The following WWOX variants were observed in gnomAD, a reference collection of about 807,000 sequenced individuals.
WWOX encodes the protein WW domain-containing oxidoreductase.
Under a neutral mutation model 46.2 loss-of-function variants are expected in WWOX, and 69 were observed. The ratio of observed to expected loss-of-function variants is 1.49; its 90% confidence interval spans 1.23 to 1.82. WWOX has a LOEUF of 1.82. Ranked by LOEUF, WWOX falls within the 40% of genes most tolerant of loss-of-function variation. WWOX has a pLI of 0.00. For synonymous variants in WWOX, 359 were observed against 202.6 expected, an observed-to-expected ratio of 1.77 and a Z score of -6.56; for missense variants, 919 against 542.6, an observed-to-expected ratio of 1.69 and a Z score of -6.89.
At chr16:78,324,807 GGGTAGA>G (rs1467125755) in intron 5 of WWOX, among the ~76,000 whole-genome samples, 1 of 151,976 alleles carries the variant, frequency 6.6e-6, no homozygotes, top group Non-Finnish European at 1.5e-5. Context: ...GGGATAGGAG[GGGTAGA>G]GGTGAAGGTG....
intron 8 of WWOX, among the ~76,000 whole-genome samples, chr16:78,684,137 C>G (rs1185951635): frequency 6.6e-6 from 1 of 152,280 alleles, no homozygotes; most frequent in East Asian, 1.9e-4. Flanking sequence ...TCAGCTGTCC[C>G]TGCTGCAACA....
chr16:78,655,275 T>C (rs2047055169), intron 8 of WWOX, among the ~76,000 whole-genome samples: 1 of 152,166 alleles, frequency 6.6e-6, no homozygotes, highest in African/African-American at 2.4e-5. Flanking sequence ...GGCACTAATT[T>C]GATTTGATCA....
At chr16:78,469,424 C>G (rs1454237322) in intron 8 of WWOX, among the ~76,000 whole-genome samples, 9 of 152,066 alleles carry the variant, frequency 5.9e-5, no homozygotes, top group Admixed American at 5.9e-4. Context: ...GAAGGCAAAC[C>G]AAAAGTGAGC....
rs2035988677 is a variant in WWOX, at chr16:78,194,581, C to T, written c.516+30292C>T. ...CCAGGCTGGGCGACAGAGTGAGACTCCATCTCAAAAAAAAAAAAAAAAAAG... is the reference window on the plus strand; with the variant it reads ...CCAGGCTGGGCGACAGAGTGAGACTTCATCTCAAAAAAAAAAAAAAAAAAG... On this transcript the variant is annotated intron_variant, in intron 5 of 8. Transcript: ENST00000566780. 3.3e-5 allele frequency among the ~76,000 whole-genome samples: 4 copies of T among 122,074 alleles called. No homozygotes were observed. In the Admixed American group the frequency reaches 3.4e-4, roughly 10 times the overall value. 80.1% of individuals were successfully genotyped at this position (122,074 alleles called of 152,430 possible).
intron 8 of WWOX, among the ~76,000 whole-genome samples, chr16:78,795,199 C>G (rs534816151): frequency 6.6e-6 from 1 of 152,162 alleles, no homozygotes; most frequent in Non-Finnish European, 1.5e-5. Context: ...GTGCTAAGTG[C>G]TTTGCGGGCA....
In WWOX at chr16:78,744,009, C is replaced by T. The variant is rs115914086; in HGVS notation, c.1056+311257C>T. 5.9e-3 allele frequency among the ~76,000 whole-genome samples: 899 copies of T among 152,208 alleles called. 4 individuals carry two copies. Among genetic ancestry groups the T allele is most frequent in the Non-Finnish European group, 8.5e-3 (579 of 68,024 alleles). On this transcript the variant is annotated intron_variant, in intron 8 of 8. Coordinates refer to ENST00000566780, the MANE Select transcript of WWOX (RefSeq NM_016373.4). ...TCATTCTTTCCTTGCTTTGTTTATG[C>T]GTTTTGTCCAATTCTTTATTCAAAA...
chr16:78,475,048 A>G (rs991247599), intron 8 of WWOX, among the ~76,000 whole-genome samples: 2 of 152,188 alleles, frequency 1.3e-5, no homozygotes, highest in East Asian at 1.9e-4. Context: ...ATAGCCAGGC[A>G]TTCTAAATGT....
At chr16:78,990,175 C>A (rs1392095965) in intron 8 of WWOX, among the ~76,000 whole-genome samples, 10 of 140,778 alleles carry the variant, frequency 7.1e-5, no homozygotes, top group African/African-American at 2.6e-4. Flanking sequence ...CAGAGGGAGA[C>A]CTTGTCTCAC....
intron 7 of WWOX, among the ~76,000 whole-genome samples, chr16:78,428,752 A>C (rs995608239): frequency 6.6e-6 from 1 of 152,220 alleles, no homozygotes; most frequent in Admixed American, 6.5e-5. Context: ...GTATACCTGT[A>C]ATACCAGCTA....
chr16:78,922,459 A>G (rs544112577), intron 8 of WWOX, among the ~76,000 whole-genome samples: 7 of 150,874 alleles, frequency 4.6e-5, no homozygotes, highest in Non-Finnish European at 2.9e-5. Flanking sequence ...GCTCACTGCA[A>G]TTTCTACCTC....
intron 8 of WWOX, among the ~76,000 whole-genome samples, chr16:79,140,653 C>T (rs1030789051): frequency 1.3e-5 from 2 of 152,224 alleles, no homozygotes; most frequent in Non-Finnish European, 1.5e-5. Context: ...GCGCTGCTCC[C>T]AATTCTCTAG....
intron 7 of WWOX, among the ~76,000 whole-genome samples, chr16:78,428,476 A>G (rs1475782118): frequency 6.6e-6 from 1 of 152,164 alleles, no homozygotes; most frequent in Non-Finnish European, 1.5e-5. Context: ...CCTTACAGGG[A>G]AGGGCTCTTT....
intron 8 of WWOX, among the ~76,000 whole-genome samples, chr16:78,773,612 T>C (rs527596084): frequency 1.3e-5 from 2 of 152,274 alleles, no homozygotes; most frequent in South Asian, 4.2e-4. Flanking sequence ...TGAGAAGTTA[T>C]AATAGAGTGC....
intron 8 of WWOX, among the ~76,000 whole-genome samples, chr16:79,083,181 T>C (rs1019040285): frequency 6.6e-6 from 1 of 152,182 alleles, no homozygotes; most frequent in Non-Finnish European, 1.5e-5. Flanking sequence ...GTTCCCCTAC[T>C]TGAGGGCGCA....
intron 8 of WWOX, among the ~76,000 whole-genome samples, chr16:78,587,697 G>C: frequency 6.6e-6 from 1 of 152,148 alleles, no homozygotes; most frequent in East Asian, 1.9e-4. Context: ...GGAGGTGCTT[G>C]ATGGCTTGAC....
At chr16:78,915,813 A>G (rs760034558) in intron 8 of WWOX, among the ~76,000 whole-genome samples, 27 of 152,298 alleles carry the variant, frequency 1.8e-4, no homozygotes, top group Non-Finnish European at 3.5e-4. Context: ...TAACTCTCAA[A>G]TCTTCTTCTT....
At chr16:79,031,919 T>C (rs1438181091) in intron 8 of WWOX, among the ~76,000 whole-genome samples, 1 of 52,986 alleles carries the variant, frequency 1.9e-5, no homozygotes, top group East Asian at 1.5e-3. Context: ...TAGATATCTA[T>C]ATATATAGAT....
intron 8 of WWOX, among the ~76,000 whole-genome samples, chr16:78,433,759 C>A (rs1026476089): frequency 9.5e-5 from 14 of 147,498 alleles, no homozygotes; most frequent in Non-Finnish European, 8.9e-5. Flanking sequence ...CACCCTTAAC[C>A]TTCGTATTTG....
intron 5 of WWOX, among the ~76,000 whole-genome samples, chr16:78,364,808 G>T (rs9939675): frequency 0.79 from 119,857 of 152,150 alleles, 48,334 homozygotes; most frequent in Non-Finnish European, 0.84. Flanking sequence ...ATTACAGATC[G>T]TGGGAGAGCA....
Sources: gnomAD v4.1 joint callset for allele counts (sites outside exome capture counted in the v4.1 genomes callset) on GRCh38, gnomAD v4.1.1 for gene constraint, MANE v1.5 for transcripts, NCBI Gene and HGNC (gene_info 2026-07-23, HGNC 2026-07-21) for gene names.